ANK2: variants seen among roughly 807,000 people sequenced by gnomAD.
ANK2 encodes the protein ankyrin 2.
A neutral mutation model predicts 360.5 loss-of-function variants in ANK2; 83 were observed. The observed-to-expected ratio is 0.23, with a 90% CI of 0.19 to 0.28. ANK2 has a LOEUF of 0.28. Ranked by LOEUF, ANK2 falls within the 10% of genes least tolerant of loss-of-function variation. The pLI, the probability that ANK2 is intolerant of heterozygous loss-of-function variation, is 1.00. For synonymous variants in ANK2, 1,740 were observed against 1,759.5 expected, an observed-to-expected ratio of 0.99 and a Z score of 0.28; for missense variants, 4,201 against 4,795.7, an observed-to-expected ratio of 0.88 and a Z score of 3.66.
intron 1 of ANK2, among the ~76,000 whole-genome samples, chr4:113,093,806 A>G (rs2089743589): frequency 6.6e-6 from 1 of 152,250 alleles, no homozygotes; most frequent in South Asian, 2.1e-4. Flanking sequence ...TAAGACAGTA[A>G]CTTTACCCTT....
At chr4:112,975,234 T>C (rs1002816391) in intron 2 of ANK2, among the ~76,000 whole-genome samples, 1 of 152,200 alleles carries the variant, frequency 6.6e-6, no homozygotes, top group Non-Finnish European at 1.5e-5. Context: ...GTGTATTCTG[T>C]TGATGTTTCT....
chr4:113,258,590 G>A (rs1193756510), intron 13 of ANK2, among the ~76,000 whole-genome samples, 179 bp downstream of exon 13: 1 of 152,162 alleles, frequency 6.6e-6, no homozygotes, highest in African/African-American at 2.4e-5. Flanking sequence ...AAAGAACCTG[G>A]ATAGGGTAAG....
intron 2 of ANK2, among the ~76,000 whole-genome samples, chr4:112,957,861 T>G (rs867092337): frequency 4.0e-5 from 5 of 125,122 alleles, no homozygotes; most frequent in African/African-American, 1.6e-4. Context: ...AGGCAGAGGG[T>G]CTCCTCACTT....
chr4:112,850,459 T>TTTTTTC (rs2064576870), intron 1 of ANK2, among the ~76,000 whole-genome samples: 1 of 143,726 alleles, frequency 7.0e-6, no homozygotes, highest in Admixed American at 7.0e-5. Flanking sequence ...TTTTTTTTTT[T>TTTTTTC]TTTTCATAGT....
intron 45 of ANK2, among the ~76,000 whole-genome samples, chr4:113,379,473 A>C (rs2097091419): frequency 6.6e-6 from 1 of 152,212 alleles, no homozygotes; most frequent in South Asian, 2.1e-4. Context: ...ATTCAGAAAC[A>C]CATTGGCCTA....
At chr4:113,092,168 T>TACAAAGATG (rs774088255) in intron 1 of ANK2, among the ~76,000 whole-genome samples, 1 of 152,244 alleles carries the variant, frequency 6.6e-6, no homozygotes, top group Admixed American at 6.5e-5. Context: ...TGTGGTAATG[T>TACAAAGATG]ACAAAGATGA....
rs145839623 is a variant in ANK2, at chr4:113,107,074, G to T, written c.84+57262G>T. 6.0e-3 allele frequency: 2,030 copies of T among 339,176 alleles called. 41 individuals are homozygous for T. Among genetic ancestry groups the T allele is most frequent in the African/African-American group, 0.038 (1,763 of 45,994 alleles). The allele number at this position is 339,176 out of a possible 1,614,324, so 21.0% of individuals were successfully genotyped here. The stretch of plus-strand genomic sequence containing the variant: ...GAGGCGTCCCTTTATTCTGATTAAG[G>T]CCTGGTGTAAATCTTTGATAATGAA... On this transcript the variant is annotated intron_variant, in intron 1 of 45. Transcript: ENST00000357077.
intron 1 of ANK2, among the ~76,000 whole-genome samples, chr4:113,050,893 A>G (rs1366054819): frequency 1.3e-5 from 2 of 152,230 alleles, no homozygotes; most frequent in African/African-American, 4.8e-5. Flanking sequence ...AAGATTGTAA[A>G]TAATTTGCAA....
At chr4:113,104,386 T>C (rs1473837243) in intron 1 of ANK2, among the ~76,000 whole-genome samples, 1 of 152,170 alleles carries the variant, frequency 6.6e-6, no homozygotes, top group Non-Finnish European at 1.5e-5. Flanking sequence ...AGATAGTTGT[T>C]TTGAAGAAGA....
At chr4:113,368,796 T>A (rs890288443) in intron 42 of ANK2, among the ~76,000 whole-genome samples, 2 of 151,472 alleles carry the variant, frequency 1.3e-5, no homozygotes, top group African/African-American at 4.9e-5. Flanking sequence ...TTAAAGAAAA[T>A]ATAAGGAAGA....
intron 1 of ANK2, among the ~76,000 whole-genome samples, chr4:112,825,578 T>C (rs187312497): frequency 7.2e-4 from 110 of 152,304 alleles, no homozygotes; most frequent in African/African-American, 2.6e-3. Flanking sequence ...GCAACTGTTG[T>C]AGGGGAGGAA....
At chr4:112,895,148 A>G (rs1439625888) in intron 1 of ANK2, among the ~76,000 whole-genome samples, 6 of 152,210 alleles carry the variant, frequency 3.9e-5, no homozygotes, top group African/African-American at 7.2e-5. Context: ...TATTTTCCTA[A>G]TGGAAAATTC....
In ANK2 at chr4:112,850,356, T is replaced by TCCATCCATCCACCCAC. The variant is rs1176494692; in HGVS notation, c.-40+32095_-40+32096insTCCATCCACCCACCCA. 5.4e-5 allele frequency among the ~76,000 whole-genome samples: 8 copies of TCCATCCATCCACCCAC among 149,322 alleles called. No individual in the cohort carries two copies. The East Asian group carries it at 1.2e-3, about 22-fold the overall frequency. Reference sequence around the variant, plus strand: ...GTCCATCCATCCATCCATCCATCCATCCACCCATTCATCTCTCTGTCCATT... The same window carrying TCCATCCATCCACCCAC: ...GTCCATCCATCCATCCATCCATCCATCCATCCATCCACCCACCCACCCATTCATCTCTCTGTCCATT... On this transcript the variant is annotated intron_variant, in intron 1 of 30. Coordinates refer to the ANK2 transcript ENST00000503271.
chr4:112,835,706 T>C (rs1342208436), intron 1 of ANK2, among the ~76,000 whole-genome samples: 3 of 152,188 alleles, frequency 2.0e-5, no homozygotes, highest in Non-Finnish European at 2.9e-5. Flanking sequence ...AAGGATTAAA[T>C]TAAAAAACTA....
intron 1 of ANK2, among the ~76,000 whole-genome samples, chr4:112,837,356 A>G (rs1013058939): frequency 6.6e-6 from 1 of 152,256 alleles, no homozygotes; most frequent in Non-Finnish European, 1.5e-5. Context: ...GGAAGTCCAC[A>G]TGAAAGTCTG....
At chr4:113,036,347 A>T (rs2061601016) in intron 2 of ANK2, among the ~76,000 whole-genome samples, 1 of 151,960 alleles carries the variant, frequency 6.6e-6, no homozygotes, top group East Asian at 1.9e-4. Context: ...GAAAAATTAG[A>T]AAGTAATCAC....
intron 1 of ANK2, among the ~76,000 whole-genome samples, chr4:113,056,510 G>C (rs928821619): frequency 2.0e-5 from 3 of 152,050 alleles, no homozygotes; most frequent in African/African-American, 7.2e-5. Flanking sequence ...TCCTGTTGGA[G>C]GCAGAAACAA....
chr4:113,209,187 T>A (rs2098990958), intron 4 of ANK2, among the ~76,000 whole-genome samples: 1 of 151,804 alleles, frequency 6.6e-6, no homozygotes, highest in African/African-American at 2.4e-5. Flanking sequence ...AAACAAGTTA[T>A]GGGAGGGGGA....
rs1465828412 is a variant in ANK2 at position 113,288,414 on chromosome 4, C to G, written c.2205C>G (p.Ala735=). 6.2e-7 allele frequency: 1 copy of G among 1,613,798 alleles called. No individual in the cohort carries two copies. Among genetic ancestry groups the G allele is most frequent in the Non-Finnish European group, 8.5e-7 (1 of 1,179,872 alleles). Residue 735 remains alanine (A), a synonymous_variant, in exon 20 of 46, where the codon GCC becomes GCG. Coordinates refer to ENST00000357077, the MANE Select transcript of ANK2 (RefSeq NM_001148.6). ...TKLGYTPLIV[A]CHYGNVKMVN... ...TTGGTTACACACCTTTAATTGTGGC[C>G]TGTCACTATGGAAATGTGAAAATGG...
Sources: gnomAD v4.1 joint callset for allele counts (sites outside exome capture counted in the v4.1 genomes callset) on GRCh38, gnomAD v4.1.1 for gene constraint, MANE v1.5 for transcripts, NCBI Gene and HGNC (gene_info 2026-07-23, HGNC 2026-07-21) for gene names.